The following SEC16B variants were observed in gnomAD, a reference collection of about 807,000 sequenced individuals.
SEC16B encodes the protein protein transport protein Sec16B.
SEC16B carries 115 observed loss-of-function variants against 141.8 expected under a neutral mutation model. That is an observed-to-expected ratio of 0.81 (90% CI 0.70 to 0.95). SEC16B has a LOEUF of 0.95. Ranked by LOEUF, SEC16B falls within the 40% of genes least tolerant of loss-of-function variation. The pLI is 0.00. For missense variants in SEC16B, 1,291 were observed against 1,312.3 expected (o/e 0.98, Z 0.25); for synonymous variants, 493 against 492.5 (o/e 1.00, Z -0.01).
At chr1:177,931,760 C>CA (rs1650431804) in intron 24 of SEC16B, among the ~76,000 whole-genome samples, 1 of 152,124 alleles carries the variant, frequency 6.6e-6, no homozygotes, top group African/African-American at 2.4e-5. Flanking sequence ...ATATAGCCTT[C>CA]AAAAGGCCTA....
chr1:177,980,286 A>T lies in SEC16B; in HGVS notation c.-59+3920T>A, dbSNP rs1051354806. 2.0e-5 allele frequency among the ~76,000 whole-genome samples: 3 copies of T among 152,116 alleles called. 1 individual carries two copies. Among genetic ancestry groups the T allele is most frequent in the Middle Eastern group, 6.8e-3 (2 of 294 alleles). On this transcript the variant is annotated intron_variant and NMD_transcript_variant, in intron 1 of 24. Coordinates refer to the SEC16B transcript ENST00000528461. ...GTGGTATAATTTCACCCCTGGGAGA[A>T]TTTTTTTTAATTATCTCCTTCATTC... is the stretch of plus-strand genomic sequence containing the variant.
upstream of SEC16B, among the ~76,000 whole-genome samples, chr1:177,970,374 A>G (rs1308719760): frequency 1.3e-5 from 2 of 152,202 alleles, no homozygotes; most frequent in African/African-American, 4.8e-5. Flanking sequence ...TTTTCTTTAA[A>G]ATGGGAATGG....
At chr1:177,943,374 C>T (rs1168974984) in intron 15 of SEC16B, among the ~76,000 whole-genome samples, 1 of 152,160 alleles carries the variant, frequency 6.6e-6, no homozygotes, top group Non-Finnish European at 1.5e-5. Context: ...ACCACCATGG[C>T]ATATGTATAC....
Position 177,937,384 on chromosome 1 carries a change from A to T in SEC16B, c.2333T>A (p.Leu778His), listed in dbSNP as rs762154517. 1 of 1,612,046 alleles carries T rather than the reference A, an allele frequency of 6.2e-7. No individual in the cohort carries two copies. The highest frequency in any genetic ancestry group is 8.5e-7 in the Non-Finnish European group (1 of 1,179,132). Residue 778 changes from leucine (L) to histidine (H), a missense_variant, in exon 19 of 26, where the codon CTC becomes CAC. Leu to His is a moderately conservative substitution (Grantham distance 99, BLOSUM62 -3). Around this residue, in one of 3 missense-constraint regions of SEC16B, gnomAD observed 605 missense variants for 614.1 expected, o/e 0.99. Coordinates refer to ENST00000308284, the MANE Select transcript of SEC16B (RefSeq NM_033127.4). Reference protein sequence around the residue: ...LQPSPQQPFPLQPGSYPAGGG... With the variant: ...LQPSPQQPFPHQPGSYPAGGG... ...TCCTGCTGGGTAGGAGCCCGGCTGG[A>T]GGGGAAAGGGCTGCTGTGGGCTGGG...
At chr1:177,951,275 GA>G (rs1177204981) in intron 12 of SEC16B, among the ~76,000 whole-genome samples, 1 of 151,936 alleles carries the variant, frequency 6.6e-6, no homozygotes, top group Non-Finnish European at 1.5e-5. Context: ...ATACCCCAAG[GA>G]AAAAAATCGA....
At chr1:177,977,438 C>T (rs945961308) in intron 1 of SEC16B, among the ~76,000 whole-genome samples, 1 of 152,182 alleles carries the variant, frequency 6.6e-6, no homozygotes, top group Non-Finnish European at 1.5e-5. Context: ...TAAAAAATAT[C>T]ATATTATATA....
Position 177,968,006 on chromosome 1 carries a change from G to C in SEC16B, c.-25C>G, listed in dbSNP as rs781350006. On this transcript the variant is annotated 5_prime_UTR_variant, in exon 2 of 26. Transcript: ENST00000308284. ...TCCTTGACTCTCTGAATTTGTCCTG[G>C]GTTTTGAGTAAGTTGTGCAGTTATT... 6 of 1,571,576 alleles carry C rather than the reference G, an allele frequency of 3.8e-6. No homozygotes were observed. Among genetic ancestry groups the C allele is most frequent in the East Asian group, 4.5e-5 (2 of 44,122 alleles).
intron 5 of SEC16B, among the ~76,000 whole-genome samples, chr1:177,963,889 C>A (rs1045273340): frequency 1.3e-5 from 2 of 152,226 alleles, no homozygotes; most frequent in African/African-American, 4.8e-5. Flanking sequence ...AGCGTCCTCT[C>A]TTTCCCAGTA....
intron 11 of SEC16B, among the ~76,000 whole-genome samples, chr1:177,952,204 T>A (rs1652248363): frequency 1.3e-5 from 2 of 152,190 alleles, no homozygotes; most frequent in South Asian, 2.1e-4. Flanking sequence ...CCCAGCTAGA[T>A]CTCATAGTTG....
chr1:177,933,782 G>A, intron 20 of SEC16B, 146 bp from the exon 21 acceptor site: 1 of 841,710 alleles, frequency 1.2e-6, no homozygotes, highest in Non-Finnish European at 1.8e-6. Flanking sequence ...GGAAGGCTCA[G>A]CCATGAAAAA....
chr1:177,960,815 G>A lies in SEC16B; in HGVS notation c.912C>T (p.Ala304=). ...CCTCCATGCTGTGCAGTTCAACAAG[G>A]GCTGCTTGCCCGTCAGTGGGAGAGC... ...GPSSPTDGQA[A]LVELHSMEVI... Residue 304 remains alanine, a synonymous_variant, in exon 7 of 26, where the codon GCC becomes GCT. Transcript: ENST00000308284. The A allele has an allele frequency of 6.2e-7, 1 of 1,611,550 alleles. No homozygotes were observed. Among genetic ancestry groups the A allele is most frequent in the Non-Finnish European group, 8.5e-7 (1 of 1,178,630 alleles).
chr1:177,958,721 G>A, intron 9 of SEC16B, 119 bp downstream of exon 9: 4 of 1,288,738 alleles, frequency 3.1e-6, no homozygotes, highest in Non-Finnish European at 3.1e-6. Context: ...TTTCCCTTGG[G>A]GCAATTTGTG....
intron 24 of SEC16B, among the ~76,000 whole-genome samples, chr1:177,931,457 CA>C (rs1650408341): frequency 6.6e-6 from 1 of 152,154 alleles, no homozygotes; most frequent in Admixed American, 6.5e-5. Flanking sequence ...AAAAAAACTA[CA>C]TATTAGGTAC....
chr1:177,967,559 A>G (rs1653632084), intron 2 of SEC16B, 124 bp downstream of exon 2: 2 of 979,824 alleles, frequency 2.0e-6, no homozygotes, highest in South Asian at 2.1e-5. Context: ...AAAGCCACGT[A>G]GTAAGGTAGA....
At chr1:177,955,548 T>A (rs1026930205) in intron 10 of SEC16B, among the ~76,000 whole-genome samples, 4 of 152,040 alleles carry the variant, frequency 2.6e-5, no homozygotes, top group Admixed American at 1.3e-4. Context: ...GGTTTCTCCA[T>A]GTCACCCAGG....
intron 17 of SEC16B, among the ~76,000 whole-genome samples, chr1:177,940,115 C>T (rs1651166895): frequency 6.6e-6 from 1 of 152,178 alleles, no homozygotes; most frequent in Non-Finnish European, 1.5e-5. Context: ...TTCTTCAGAG[C>T]AGAATGGGAA....
intron 24 of SEC16B, among the ~76,000 whole-genome samples, chr1:177,932,135 T>C (rs1557964796): frequency 2.0e-5 from 3 of 152,206 alleles, no homozygotes; most frequent in Non-Finnish European, 2.9e-5. Context: ...CATTCCAGTA[T>C]GACTGATGTC....
At chr1:177,932,872 T>C in intron 22 of SEC16B, 66 bp from the exon 23 acceptor site, 1 of 1,450,362 alleles carries the variant, frequency 6.9e-7, no homozygotes, top group Non-Finnish European at 9.5e-7. Flanking sequence ...TGCCCGCCAA[T>C]TTGTGTTCCC....
Position 177,929,011 on chromosome 1 carries a change from C to A in SEC16B, c.*847G>T, listed in dbSNP as rs1650228777. The A allele has an allele frequency of 6.6e-6, 1 of 152,546 alleles. No homozygotes were observed. Among genetic ancestry groups the A allele is most frequent in the Non-Finnish European group, 1.5e-5 (1 of 68,018 alleles). 9.4% of individuals were successfully genotyped at this position (152,546 alleles called of 1,614,324 possible). On this transcript the variant is annotated 3_prime_UTR_variant, in exon 26 of 26. Coordinates refer to ENST00000308284, the MANE Select transcript of SEC16B (RefSeq NM_033127.4). ...CCTCCTCCCTCTCACTCCAGTGACC[C>A]TCTGAACATCAATTTGCAAAGGCCT...
Sources: gnomAD v4.1 joint callset for allele counts (sites outside exome capture counted in the v4.1 genomes callset) on GRCh38, gnomAD v4.1.1 for gene constraint, gnomAD v4.1.1 regional missense constraint, MANE v1.5 for transcripts, NCBI Gene and HGNC (gene_info 2026-07-23, HGNC 2026-07-21) for gene names.